Variants in UGT8 observed in about 807,000 individuals in gnomAD.
UGT8 encodes the protein UDP glycosyltransferase 8.
A neutral mutation model predicts 40.5 loss-of-function variants in UGT8; 12 were observed. The observed-to-expected ratio is 0.30, with a 90% CI of 0.19 to 0.48. UGT8 has a LOEUF of 0.48. Among genes scored for constraint, UGT8 ranks in the 20% least tolerant of loss-of-function variants. The pLI, the probability that UGT8 is intolerant of heterozygous loss-of-function variation, is 0.99. For missense variants in UGT8, 513 were observed against 648.7 expected, an observed-to-expected ratio of 0.79 and a Z score of 2.27; for synonymous variants, 224 against 240.4, an observed-to-expected ratio of 0.93 and a Z score of 0.63.
At chr4:114,660,878 G>A (rs943855938) in intron 2 of UGT8, among the ~76,000 whole-genome samples, 5 of 146,348 alleles carry the variant, frequency 3.4e-5, no homozygotes, top group African/African-American at 1.0e-4. Context: ...GTGACTGAGC[G>A]AGACTCTGTC....
chr4:114,622,800 GA>G, intron 1 of UGT8, 78 bp from the exon 2 acceptor site: 3 of 1,314,624 alleles, frequency 2.3e-6, no homozygotes, highest in South Asian at 1.6e-5. Context: ...TATTTTTGGG[GA>G]AAAATGCTTT....
intron 4 of UGT8, among the ~76,000 whole-genome samples, chr4:114,667,570 T>C (rs1252637565): frequency 6.6e-6 from 1 of 152,222 alleles, no homozygotes; most frequent in Non-Finnish European, 1.5e-5. Flanking sequence ...GAAATATTAA[T>C]GCTGATAGAA....
intron 1 of UGT8, among the ~76,000 whole-genome samples, chr4:114,600,323 A>G (rs1255094770): frequency 1.3e-5 from 2 of 152,136 alleles, no homozygotes; most frequent in Non-Finnish European, 2.9e-5. Context: ...ACCTTGTACT[A>G]CCAGTTTTTC....
intron 2 of UGT8, among the ~76,000 whole-genome samples, chr4:114,652,973 T>C (rs1379287366): frequency 2.6e-5 from 4 of 152,098 alleles, no homozygotes; most frequent in Admixed American, 2.6e-4. Flanking sequence ...TCTACATGTT[T>C]CTGCCCAAGG....
At chr4:114,644,408 C>T (rs1344525479) in intron 2 of UGT8, among the ~76,000 whole-genome samples, 1 of 152,118 alleles carries the variant, frequency 6.6e-6, no homozygotes, top group Non-Finnish European at 1.5e-5. Context: ...ATCTGTTTCC[C>T]ATTTTTAACA....
chr4:114,631,789 T>A (rs1732594719), intron 2 of UGT8, among the ~76,000 whole-genome samples: 6 of 152,230 alleles, frequency 3.9e-5, no homozygotes, highest in Admixed American at 3.9e-4. Context: ...TGAGAATCTT[T>A]TTTCTGGTAA....
chr4:114,675,228 T>A lies in UGT8; in HGVS notation c.1263-697T>A, dbSNP rs1735550671. On this transcript the variant is annotated intron_variant, in intron 5 of 5. Coordinates refer to ENST00000310836, the MANE Select transcript of UGT8 (RefSeq NM_001128174.3). ...CTGTATCTTTTTCTCCATCTTTCTT[T>A]TAGAATCTAATAAATTTAGTTTCCA... 2.0e-5 allele frequency among the ~76,000 whole-genome samples: 3 copies of A among 152,188 alleles called. No homozygotes were observed. The South Asian group carries it at 6.2e-4, about 32-fold the overall frequency.
intron 2 of UGT8, among the ~76,000 whole-genome samples, chr4:114,661,484 C>T (rs952524263): frequency 3.4e-4 from 52 of 152,108 alleles, no homozygotes; most frequent in African/African-American, 1.3e-3. Context: ...AAAGTTTTGC[C>T]GTGAGTTCAG....
chr4:114,644,598 G>A (rs1307928975), intron 2 of UGT8, among the ~76,000 whole-genome samples: 1 of 152,094 alleles, frequency 6.6e-6, no homozygotes, highest in Non-Finnish European at 1.5e-5. Context: ...GTCTCCCTGA[G>A]GCTGGTATAT....
intron 2 of UGT8, 147 bp from the exon 3 acceptor site, chr4:114,663,848 G>A (rs1233764086): frequency 7.1e-7 from 1 of 1,406,100 alleles, no homozygotes; most frequent in African/African-American, 1.4e-5. Flanking sequence ...AACAAAAGCA[G>A]TTATTTAGAA....
At chr4:114,607,292 C>T (rs993341200) in intron 1 of UGT8, among the ~76,000 whole-genome samples, 1 of 152,136 alleles carries the variant, frequency 6.6e-6, no homozygotes, top group Admixed American at 6.5e-5. Context: ...CTATAGCTCA[C>T]CACCTGCCTC....
At position 114,676,215 on chromosome 4, in the gene UGT8, A is replaced by T; in HGVS notation, c.1553A>T (p.His518Leu). Residue 518 changes from histidine to leucine, a missense_variant, in exon 6 of 6, where the codon CAT (histidine) becomes CTT (leucine). His to Leu is a moderately conservative substitution (Grantham distance 99). Transcript: ENST00000310836. ...AATAAGCATAGCACAGTTAATGGAC[A>T]TTACCACAATGGAATCCTCAATGGC... ...SRNKHSTVNG[H>L]YHNGILNGKY... The T allele has an allele frequency of 1.2e-6, 2 of 1,613,870 alleles. No homozygotes were observed. The highest frequency in any genetic ancestry group is 1.7e-6 in the Non-Finnish European group (2 of 1,179,928).
intron 2 of UGT8, among the ~76,000 whole-genome samples, chr4:114,643,173 A>G (rs1289187885): frequency 6.6e-6 from 1 of 152,206 alleles, no homozygotes; most frequent in Non-Finnish European, 1.5e-5. Context: ...ATTAAGTTAT[A>G]AAAACAATGT....
rs552330643 is a variant in UGT8 at position 114,602,195 on chromosome 4, A to T, written c.-3+3221A>T. On this transcript the variant is annotated intron_variant, in intron 1 of 5. Transcript: ENST00000310836. ...TTTCTGAGAAACTGAAGCAGCCTTT[A>T]AAAAAAAGTTTACTTTCTTATGATA... Among the ~76,000 whole-genome samples the T allele has an allele frequency of 3.3e-5, 5 of 152,154 alleles. No individual in the cohort carries two copies. The South Asian group carries it at 1.0e-3, about 32-fold the overall frequency.
chr4:114,670,859 G>T (rs1371664292), intron 5 of UGT8, among the ~76,000 whole-genome samples: 1 of 152,172 alleles, frequency 6.6e-6, no homozygotes, highest in Non-Finnish European at 1.5e-5. Flanking sequence ...CAAATAGGAA[G>T]AGAGGAAGTC....
chr4:114,650,398 G>GT (rs1411085347), intron 2 of UGT8, among the ~76,000 whole-genome samples: 29 of 152,194 alleles, frequency 1.9e-4, no homozygotes, highest in African/African-American at 7.0e-4. Flanking sequence ...GACTTGAGCA[G>GT]TAGGATATAA....
At chr4:114,660,239 A>C (rs1734431720) in intron 2 of UGT8, among the ~76,000 whole-genome samples, 1 of 152,146 alleles carries the variant, frequency 6.6e-6, no homozygotes, top group Non-Finnish European at 1.5e-5. Flanking sequence ...AAATTACAAA[A>C]AAATAATATC....
intron 5 of UGT8, among the ~76,000 whole-genome samples, chr4:114,671,754 A>T (rs186159923): frequency 1.3e-5 from 2 of 152,366 alleles, no homozygotes; most frequent in Non-Finnish European, 2.9e-5. Context: ...ACCATTCAGG[A>T]CATAGGCATG....
At chr4:114,598,454 C>A (rs1730214424), upstream of UGT8, 1 of 152,278 alleles carries the variant, frequency 6.6e-6, no homozygotes, top group African/African-American at 2.4e-5. Context: ...TCCCAGCCTG[C>A]AAGCCAACCT....
Sources: allele counts gnomAD v4.1 joint callset (sites outside exome capture counted in the v4.1 genomes callset), GRCh38; gene constraint gnomAD v4.1.1; transcripts MANE v1.5; gene names NCBI Gene and HGNC (gene_info 2026-07-23, HGNC 2026-07-21).